The following GORASP2 variants were observed in gnomAD, a reference collection of about 807,000 sequenced individuals.
GORASP2 encodes the protein golgi reassembly stacking protein 2.
A neutral mutation model predicts 45.7 loss-of-function variants in GORASP2; 22 were observed. The ratio of observed to expected loss-of-function variants is 0.48; its 90% CI spans 0.34 to 0.69. The LOEUF is 0.69. GORASP2 is among the 30% of genes least tolerant of loss of function. The probability of loss-of-function intolerance (pLI) is 0.01; values close to 1 mark genes in which losing one functional copy is unlikely to be tolerated. For synonymous variants in GORASP2, 221 were observed against 215.6 expected (o/e 1.02, Z -0.22); for missense variants, 491 against 562.7 (o/e 0.87, Z 1.29).
chr2:170,962,979 C>G lies in GORASP2; in HGVS notation c.1018+33C>G, dbSNP rs77271314. The G allele has an allele frequency of 4.6e-3, 6,519 of 1,416,166 alleles. 238 individuals are homozygous for G. The African/African-American group carries it at 0.081, about 18-fold the overall frequency. The allele number at this position is 1,416,166 out of a possible 1,614,324, so 87.7% of individuals were successfully genotyped here. Reference sequence around the variant, plus strand: ...GCAGATCTCACCCTCCTAGGACTCTCTCTAATAAAAGTTTTATTCAGGAAT... The same window carrying G: ...GCAGATCTCACCCTCCTAGGACTCTGTCTAATAAAAGTTTTATTCAGGAAT... On this transcript the variant is annotated intron_variant, in intron 9 of 9. Transcript: ENST00000234160.
At chr2:170,948,317 C>T (rs756685017) in intron 1 of GORASP2, 33 bp from the exon 2 acceptor site, 71 of 1,283,850 alleles carry the variant, frequency 5.5e-5, no homozygotes, top group Non-Finnish European at 7.2e-5. Flanking sequence ...CTAAGCTTTA[C>T]ATTTTTTATT....
upstream of GORASP2, chr2:170,929,059 CA>C (rs1468906846): frequency 2.8e-6 from 1 of 356,580 alleles, no homozygotes; most frequent in African/African-American, 2.1e-5. Flanking sequence ...CTCTCGCGAG[CA>C]CGACGCGGTG....
chr2:170,936,471 T>C (rs1010910676), intron 1 of GORASP2, among the ~76,000 whole-genome samples: 3 of 152,150 alleles, frequency 2.0e-5, no homozygotes, highest in African/African-American at 7.2e-5. Flanking sequence ...CCTCTCGTCT[T>C]GGCTTCCCAA....
intron 7 of GORASP2, among the ~76,000 whole-genome samples, chr2:170,959,549 G>GT (rs1417174809): frequency 3.3e-5 from 5 of 152,158 alleles, no homozygotes; most frequent in African/African-American, 1.2e-4. Flanking sequence ...ATCACAACAC[G>GT]TGAGAAACAA....
rs1333110173 is a variant in GORASP2, at chr2:170,961,346, ATT to A, written c.824-315_824-314del. Among the ~76,000 whole-genome samples, 4 of 152,292 alleles carry A rather than the reference ATT, an allele frequency of 2.6e-5. 1 individual carries two copies. The highest frequency in any genetic ancestry group is 9.6e-5 in the African/African-American group (4 of 41,558). On this transcript the variant is annotated intron_variant, in intron 7 of 9. Transcript: ENST00000234160. ...TAGAATCCTTGTGTCCCATATACAA[ATT>A]TCTAAGACAGTTTTCTAATCTAGCC... is the stretch of plus-strand genomic sequence containing the variant.
At chr2:170,947,062 C>T (rs989325279) in intron 1 of GORASP2, among the ~76,000 whole-genome samples, 1 of 152,068 alleles carries the variant, frequency 6.6e-6, no homozygotes, top group African/African-American at 2.4e-5. Context: ...TGCACAAAAT[C>T]CCTGGTTTTT....
In GORASP2 at chr2:170,949,668, G is replaced by A. The variant is rs947251652; in HGVS notation, c.274G>A (p.Gly92Ser). 2.5e-6 allele frequency: 4 copies of A among 1,614,078 alleles called. No individual in the cohort carries two copies. The highest frequency in any genetic ancestry group is 1.3e-5 in the African/African-American group (1 of 75,034). ...TSVTPSNLWGGQGLLGVSIRF... is the reference protein window; with the variant it reads ...TSVTPSNLWGSQGLLGVSIRF... ...AGTCACACCAAGTAACCTGTGGGGC[G>A]GCCAGGGCTTATTGGGAGTGAGCAT... The change falls in exon 3 of 10, where the codon GGC becomes AGC. Residue 92 changes from glycine to serine, a missense_variant. By Grantham distance (56) the Gly-to-Ser change is moderately conservative (BLOSUM62 0). Transcript: ENST00000234160.
At chr2:170,961,824 A>T in intron 8 of GORASP2, 75 bp downstream of exon 8, 1 of 836,810 alleles carries the variant, frequency 1.2e-6, no homozygotes, top group Non-Finnish European at 2.1e-6. Flanking sequence ...AACAATGAAA[A>T]ATATTATACC....
intron 7 of GORASP2, among the ~76,000 whole-genome samples, chr2:170,959,544 A>C (rs377054834): frequency 6.6e-6 from 1 of 152,212 alleles, no homozygotes; most frequent in South Asian, 2.1e-4. Context: ...CTAGCATCAC[A>C]ACACGTGAGA....
rs754376088 is a variant in GORASP2, at chr2:170,948,444, T to C, written c.144+14T>C. ...GGTTCAAGATTAGTAAGTTCAACTT[T>C]CTGTAGTTTTGTCTATAGTATTTGT... On this transcript the variant is annotated intron_variant, in intron 2 of 9. Transcript: ENST00000234160. The C allele has an allele frequency of 1.5e-6, 2 of 1,371,006 alleles. No individual in the cohort carries two copies. Among genetic ancestry groups the C allele is most frequent in the South Asian group, 1.2e-5 (1 of 82,910 alleles). The allele number at this position is 1,371,006 out of a possible 1,614,324, so 84.9% of individuals were successfully genotyped here. A position where few individuals can be genotyped will look rare whatever the true frequency, so the allele number is the denominator to read the frequency against.
intron 1 of GORASP2, among the ~76,000 whole-genome samples, chr2:170,931,223 A>G (rs1190786456): frequency 1.3e-5 from 2 of 152,214 alleles, no homozygotes; most frequent in African/African-American, 4.8e-5. Flanking sequence ...CACACGATGA[A>G]ATAATTCTTA....
At chr2:170,948,649 C>G (rs1326900194) in intron 2 of GORASP2, 1 of 337,774 alleles carries the variant, frequency 3.0e-6, no homozygotes, top group African/African-American at 2.1e-5. Context: ...TCAGTGGAGT[C>G]TTTTATATGT....
At chr2:170,941,541 C>T (rs1007185271) in intron 1 of GORASP2, among the ~76,000 whole-genome samples, 1 of 152,164 alleles carries the variant, frequency 6.6e-6, no homozygotes, top group African/African-American at 2.4e-5. Flanking sequence ...CAACTCCCAC[C>T]TCCACAGGAT....
At position 170,966,365 on chromosome 2, in the gene GORASP2, G is replaced by C. The variant is rs995144198; in HGVS notation, c.*235G>C. On this transcript the variant is annotated 3_prime_UTR_variant, in exon 10 of 10. Transcript: ENST00000234160. Reference sequence around the variant, plus strand: ...GTATTTTAAACAACCAAAAAGAATTGTAAGGGTGGCTTGCTGCCAGGCTTG... The same window carrying C: ...GTATTTTAAACAACCAAAAAGAATTCTAAGGGTGGCTTGCTGCCAGGCTTG... 15 of 553,400 alleles carry C rather than the reference G, an allele frequency of 2.7e-5. No homozygotes were observed. Among genetic ancestry groups the C allele is most frequent in the Non-Finnish European group, 4.8e-5 (15 of 309,850 alleles). The allele number at this position is 553,400 out of a possible 1,614,324, so 34.3% of individuals were successfully genotyped here.
intron 1 of GORASP2, among the ~76,000 whole-genome samples, chr2:170,937,551 C>A (rs967153910): frequency 6.6e-6 from 1 of 152,098 alleles, no homozygotes; most frequent in Admixed American, 6.6e-5. Flanking sequence ...TGCCTGTAGT[C>A]CCAGGTACTC....
chr2:170,942,185 T>C (rs913820541), intron 1 of GORASP2, among the ~76,000 whole-genome samples: 5 of 152,202 alleles, frequency 3.3e-5, no homozygotes, highest in Non-Finnish European at 7.4e-5. Context: ...CATTTCTCTA[T>C]TGGGTTGTCT....
At chr2:170,963,755 A>G (rs1704625326) in intron 9 of GORASP2, among the ~76,000 whole-genome samples, 1 of 151,796 alleles carries the variant, frequency 6.6e-6, no homozygotes, top group Admixed American at 6.6e-5. Flanking sequence ...CCATCCTCTC[A>G]CCTCATCCTC....
chr2:170,947,353 T>G (rs1162796015), intron 1 of GORASP2, among the ~76,000 whole-genome samples: 1 of 152,214 alleles, frequency 6.6e-6, no homozygotes, highest in Non-Finnish European at 1.5e-5. Context: ...CTGCTTCGGG[T>G]GTTTACTCAT....
intron 1 of GORASP2, among the ~76,000 whole-genome samples, chr2:170,945,661 A>G (rs1343643469): frequency 6.6e-6 from 1 of 152,200 alleles, no homozygotes; most frequent in African/African-American, 2.4e-5. Flanking sequence ...TGAACCGTCT[A>G]TATAGGGCAA....
Sources: allele counts gnomAD v4.1 joint callset (sites outside exome capture counted in the v4.1 genomes callset), GRCh38; gene constraint gnomAD v4.1.1; transcripts MANE v1.5; gene names NCBI Gene and HGNC (gene_info 2026-07-23, HGNC 2026-07-21).